TAF5L: variants seen among roughly 807,000 people sequenced by gnomAD.
TAF5L encodes the protein TATA-box binding protein associated factor 5 like, also known as TAF5-like RNA polymerase II p300/CBP-associated factor-associated factor 65 kDa subunit 5L.
In TAF5L, 7 loss-of-function variants were observed where a neutral mutation model predicts 51.3. The ratio of observed to expected loss-of-function variants is 0.14; its 90% CI spans 0.08 to 0.26. The LOEUF (loss-of-function observed/expected upper bound fraction) is 0.26. TAF5L is among the 10% of genes least tolerant of loss of function. The probability of loss-of-function intolerance (pLI) is 1.00; values close to 1 mark genes in which losing one functional copy is unlikely to be tolerated. For missense variants in TAF5L, 575 were observed against 758.9 expected (o/e 0.76, Z 2.85); for synonymous variants, 291 against 308.1 (o/e 0.94, Z 0.58).
chr1:229,616,607 C>T (rs1665013711), intron 1 of TAF5L, among the ~76,000 whole-genome samples: 1 of 152,056 alleles, frequency 6.6e-6, no homozygotes, highest in Non-Finnish European at 1.5e-5. Context: ...AATGTTTTGC[C>T]CAGTGACTGT....
intron 3 of TAF5L, among the ~76,000 whole-genome samples, chr1:229,609,684 T>C (rs1017498540): frequency 3.3e-5 from 5 of 152,230 alleles, no homozygotes; most frequent in Non-Finnish European, 7.3e-5. Flanking sequence ...ATATTATTAG[T>C]AGAGATGTCA....
chr1:229,603,984 G>A (rs1041827948), intron 3 of TAF5L, among the ~76,000 whole-genome samples: 1 of 152,166 alleles, frequency 6.6e-6, no homozygotes, highest in African/African-American at 2.4e-5. Context: ...AAATCCATCC[G>A]TTACATTCAC....
intron 4 of TAF5L, chr1:229,600,923 TG>T: frequency 1.0e-6 from 1 of 985,444 alleles, no homozygotes; most frequent in Middle Eastern, 5.2e-4. Flanking sequence ...AATTTTTTTT[TG>T]TATTTACAGA....
intron 4 of TAF5L, chr1:229,601,129 A>G (rs1274394082): frequency 1.0e-6 from 1 of 985,322 alleles, no homozygotes; most frequent in Non-Finnish European, 1.2e-6. Flanking sequence ...TCACAAGGAA[A>G]TCCTTCAATT....
At chr1:229,622,489 T>C (rs1176150744) in intron 1 of TAF5L, among the ~76,000 whole-genome samples, 1 of 152,216 alleles carries the variant, frequency 6.6e-6, no homozygotes, top group Non-Finnish European at 1.5e-5. Context: ...TGTCTAAGCT[T>C]TGAGATTTGG....
At chr1:229,620,273 C>T (rs1665156709) in intron 1 of TAF5L, among the ~76,000 whole-genome samples, 1 of 152,190 alleles carries the variant, frequency 6.6e-6, no homozygotes, top group Non-Finnish European at 1.5e-5. Flanking sequence ...ATTGCCCAGG[C>T]TGGTCTCCAT....
rs1664424242 is a variant in TAF5L at position 229,602,615 on chromosome 1, A to G, written c.552T>C (p.Asn184=). ...AGGTGAGGACTTTGCACAGGGCAGT[A>G]TTGTTGTCACTTTGGAGGTAGCGGA... The change falls in exon 4 of 5, where the codon AAT becomes AAC. Residue 184 remains asparagine, a synonymous_variant. Coordinates refer to ENST00000258281, the Ensembl canonical transcript of TAF5L. The surrounding 1 kb of genome is among the most constrained non-coding windows in gnomAD (Gnocchi z 4.6). 6.2e-7 allele frequency: 1 copy of G among 1,614,152 alleles called. No individual in the cohort carries two copies. Among genetic ancestry groups the G allele is most frequent in the Non-Finnish European group, 8.5e-7 (1 of 1,180,022 alleles).
intron 4 of TAF5L, chr1:229,601,488 T>C: frequency 3.0e-6 from 3 of 985,234 alleles, no homozygotes; most frequent in Non-Finnish European, 3.6e-6. Flanking sequence ...AAGGTAGTGA[T>C]TTTTGGTGAC....
In TAF5L at chr1:229,602,819, C is replaced by T; in HGVS notation, c.348G>A (p.Val116=). ...CATGGAAGCGGCTGTAAAAACTTTC[C>T]ACTGTGCTCTTCGGACTGTTTTGGA... The change falls in exon 4 of 5, where the codon GTG becomes GTA. Residue 116 remains valine, a synonymous_variant. Transcript: ENST00000258281. This position sits in a 1 kb window ranked among gnomAD's most constrained non-coding sequence, Gnocchi z 4.6. 1 of 1,613,688 alleles carries T rather than the reference C, an allele frequency of 6.2e-7. No homozygotes were observed. The highest frequency in any genetic ancestry group is 1.1e-5 in the South Asian group (1 of 91,076).
intron 4 of TAF5L, among the ~76,000 whole-genome samples, chr1:229,598,901 C>T (rs200659759): frequency 6.6e-6 from 1 of 152,086 alleles, no homozygotes; most frequent in Non-Finnish European, 1.5e-5. Flanking sequence ...GTTTCACCAT[C>T]TTGGCCAGGC....
rs973554467 is a variant in TAF5L, at chr1:229,600,383, G to A, written c.972+1812C>T. 5.1e-6 allele frequency: 5 copies of A among 985,320 alleles called. No homozygotes were observed. In the African/African-American group the frequency reaches 8.7e-5, roughly 17 times the overall value. The allele number at this position is 985,320 out of a possible 1,614,324, so 61.0% of individuals were successfully genotyped here. A position where few individuals can be genotyped will look rare whatever the true frequency, so the allele number is the denominator to read the frequency against. On this transcript the variant is annotated intron_variant, in intron 4 of 4. Transcript: ENST00000258281. ...CTACAGTACTTTCAGTATGAACCAT[G>A]ATGGAAAGCCAGAAATGCTTAAACA...
chr1:229,595,123 GAAAC>G (rs1484654536), intron 4 of TAF5L, 29 bp from the exon 5 acceptor site: 2 of 1,537,646 alleles, frequency 1.3e-6, no homozygotes, highest in African/African-American at 2.8e-5. Context: ...GGTGGGAAAA[GAAAC>G]ACACACAAAA....
At chr1:229,598,259 T>C (rs964122588) in intron 4 of TAF5L, among the ~76,000 whole-genome samples, 2 of 152,238 alleles carry the variant, frequency 1.3e-5, no homozygotes, top group Non-Finnish European at 2.9e-5. Context: ...AAATAATTTG[T>C]TCATATTAGT....
intron 3 of TAF5L, among the ~76,000 whole-genome samples, chr1:229,608,189 G>A (rs1056858628): frequency 2.6e-5 from 4 of 152,052 alleles, no homozygotes; most frequent in African/African-American, 9.7e-5. Context: ...TTAAAGCAAA[G>A]AATCTATATT....
intron 2 of TAF5L, among the ~76,000 whole-genome samples, chr1:229,612,986 C>A (rs1010759520): frequency 7.3e-6 from 1 of 137,502 alleles, no homozygotes; most frequent in East Asian, 2.2e-4. Context: ...AGTATCCCAG[C>A]AATTTTTTTC....
rs916985568 is a variant in TAF5L at position 229,610,315 on chromosome 1, G to A, written c.143-105C>T. ...GGAGGGTGTTGTGCACACACGCACA[G>A]CAACTGACATTTCAGCAGGTTTCCA... On this transcript the variant is annotated intron_variant, in intron 2 of 4. Coordinates refer to ENST00000258281, the Ensembl canonical transcript of TAF5L. 6 of 992,608 alleles carry A rather than the reference G, an allele frequency of 6.0e-6. No homozygotes were observed. In the African/African-American group the frequency reaches 6.5e-5, roughly 11 times the overall value. The allele number at this position is 992,608 out of a possible 1,614,324, so 61.5% of individuals were successfully genotyped here. A position where few individuals can be genotyped will look rare whatever the true frequency, so the allele number is the denominator to read the frequency against.
intron 1 of TAF5L, among the ~76,000 whole-genome samples, chr1:229,622,408 A>G (rs184612541): frequency 6.6e-6 from 1 of 152,254 alleles, no homozygotes; most frequent in East Asian, 1.9e-4. Flanking sequence ...GATCAAGCAT[A>G]TACAATACAT....
chr1:229,605,358 G>A (rs2102750167), intron 3 of TAF5L, among the ~76,000 whole-genome samples: 1 of 152,254 alleles, frequency 6.6e-6, no homozygotes, highest in East Asian at 1.9e-4. Context: ...ATCATCCAAG[G>A]ACTTTGCATT....
chr1:229,594,061 C>G lies in TAF5L; in HGVS notation c.*236G>C. The G allele has an allele frequency of 2.0e-6, 1 of 494,328 alleles. No individual in the cohort carries two copies. The highest frequency in any genetic ancestry group is 3.8e-5 in the East Asian group (1 of 26,370). 30.6% of individuals were successfully genotyped at this position (494,328 alleles called of 1,614,324 possible). Reference sequence around the variant, plus strand: ...AGTCTCCATGAGGACTTGTGAGTGACCTCCAGGGCACTCTAATTCTTGATC... The same window carrying G: ...AGTCTCCATGAGGACTTGTGAGTGAGCTCCAGGGCACTCTAATTCTTGATC... On this transcript the variant is annotated 3_prime_UTR_variant, in exon 5 of 5. Coordinates refer to ENST00000258281, the Ensembl canonical transcript of TAF5L. The surrounding 1 kb of genome is among the most constrained non-coding windows in gnomAD (Gnocchi z 7.9).
Sources: allele counts gnomAD v4.1 joint callset (sites outside exome capture counted in the v4.1 genomes callset), GRCh38; gene constraint gnomAD v4.1.1; non-coding constraint Gnocchi (gnomAD v3.1); transcripts MANE v1.5; gene names NCBI Gene and HGNC (gene_info 2026-07-23, HGNC 2026-07-21).